Variants in SYT4 observed in about 807,000 individuals in gnomAD.
SYT4 encodes the protein synaptotagmin-4.
In SYT4, 7 loss-of-function variants were observed where a neutral mutation model predicts 32.9. That is an observed-to-expected ratio of 0.21 (90% confidence interval 0.12 to 0.40). The LOEUF (loss-of-function observed/expected upper bound fraction) is 0.40, where lower values mean the gene tolerates loss of function less well. Among genes scored for constraint, SYT4 ranks in the 10% least tolerant of loss-of-function variants. The pLI is 1.00. For synonymous variants in SYT4, 205 were observed against 186.2 expected (o/e 1.10, Z -0.82); for missense variants, 480 against 488.0 (o/e 0.98, Z 0.16).
chr18:43,276,288 G>C (rs879563759), intron 1 of SYT4, among the ~76,000 whole-genome samples: 2 of 152,066 alleles, frequency 1.3e-5, no homozygotes, highest in Admixed American at 1.3e-4. Context: ...ATTCTCTACT[G>C]ATAAGGTCTT....
At position 43,270,668 on chromosome 18, in the gene SYT4, G is replaced by C. The variant is rs764329184; in HGVS notation, c.971-20C>G. 11 of 1,609,270 alleles carry C rather than the reference G, an allele frequency of 6.8e-6. No individual in the cohort carries two copies. Among genetic ancestry groups the C allele is most frequent in the Admixed American group, 1.7e-5 (1 of 59,732 alleles). On this transcript the variant is annotated intron_variant, in intron 3 of 3. Coordinates refer to ENST00000255224, the MANE Select transcript of SYT4 (RefSeq NM_020783.4). ...AGGGATCTGCAGTGGAACATAACAG[G>C]CATTACAATGGCATAACTGGGCTGG...
intron 2 of SYT4, among the ~76,000 whole-genome samples, chr18:43,272,639 A>G (rs1267870932): frequency 2.6e-5 from 4 of 152,186 alleles, no homozygotes; most frequent in Non-Finnish European, 5.9e-5. Context: ...AAACTGCAAT[A>G]TATTTATACA....
In SYT4 at chr18:43,268,296, G is replaced by GTT. The variant is rs1451206636; in HGVS notation, c.*2043_*2044dup. The stretch of plus-strand genomic sequence containing the variant: ...CTTTTCTGAAAACCAGTTGCAAATA[G>GTT]TTTTACTCAACTTTTCACACTCAAA... On this transcript the variant is annotated 3_prime_UTR_variant, in exon 4 of 4. Coordinates refer to ENST00000255224, the MANE Select transcript of SYT4 (RefSeq NM_020783.4). The GTT allele has an allele frequency of 6.6e-6, 1 of 152,338 alleles. No individual in the cohort carries two copies. The highest frequency in any genetic ancestry group is 1.5e-5 in the Non-Finnish European group (1 of 68,008). The allele number at this position is 152,338 out of a possible 1,614,324, so 9.4% of individuals were successfully genotyped here. A position where few individuals can be genotyped will look rare whatever the true frequency, so the allele number is the denominator to read the frequency against.
intron 2 of SYT4, 199 bp from the exon 3 acceptor site, chr18:43,272,031 G>A: frequency 4.8e-6 from 2 of 414,014 alleles, no homozygotes; most frequent in Non-Finnish European, 8.1e-6. Flanking sequence ...GCCATCTTGT[G>A]GTCTTGTTTG....
intron 1 of SYT4, 91 bp from the exon 2 acceptor site, chr18:43,274,485 A>G: frequency 2.0e-6 from 2 of 993,328 alleles, no homozygotes; most frequent in Non-Finnish European, 2.9e-6. Context: ...AGCAATTGCT[A>G]TAGGTTGGAT....
chr18:43,274,527 T>C (rs1324125242), intron 1 of SYT4, 133 bp from the exon 2 acceptor site: 13 of 652,474 alleles, frequency 2.0e-5, no homozygotes, highest in Admixed American at 3.3e-5. Context: ...GTTCTGGGTA[T>C]GAGTTAAGTG....
chr18:43,273,209 A>T (rs1015105680), intron 2 of SYT4, among the ~76,000 whole-genome samples: 5 of 152,140 alleles, frequency 3.3e-5, no homozygotes, highest in African/African-American at 1.2e-4. Flanking sequence ...AAATTCAATT[A>T]TGTTGACCTT....
intron 1 of SYT4, 22 bp from the exon 2 acceptor site, chr18:43,274,416 A>G: frequency 6.5e-7 from 1 of 1,545,040 alleles, no homozygotes; most frequent in Non-Finnish European, 8.7e-7. Context: ...AATGACCAAT[A>G]ATATACATTA....
chr18:43,273,720 C>T lies in SYT4; in HGVS notation c.709G>A (p.Ala237Thr), dbSNP rs1417528275. The T allele has an allele frequency of 1.9e-6, 3 of 1,613,972 alleles. No individual in the cohort carries two copies. The highest frequency in any genetic ancestry group is 2.5e-6 in the Non-Finnish European group (3 of 1,179,904). Residue 237 changes from alanine to threonine, a missense_variant, in exon 2 of 4, where the codon GCC becomes ACC. Physicochemically the swap from Ala to Thr is moderately conservative, Grantham distance 58. Transcript: ENST00000255224. ...GIPYTQIQEL[A>T]LHFTILSFDR... Reference sequence around the variant, plus strand: ...AAACTCAAAATTGTGAAGTGCAAGGCCAATTCTTGGATTTGGGTGTAGGGT... The same window carrying T: ...AAACTCAAAATTGTGAAGTGCAAGGTCAATTCTTGGATTTGGGTGTAGGGT...
Position 43,270,642 on chromosome 18 carries a change from T to C in SYT4, c.977A>G (p.Tyr326Cys). The C allele has an allele frequency of 1.2e-6, 2 of 1,613,510 alleles. No homozygotes were observed. The highest frequency in any genetic ancestry group is 1.7e-5 in the Admixed American group (1 of 59,972). ...KSDVSGLSDPYVKVNLYHAKK... is the reference protein window; with the variant it reads ...KSDVSGLSDPCVKVNLYHAKK... ...GGCATGGTACAGGTTCACTTTGACA[T>C]AGGGATCTGCAGTGGAACATAACAG... The change falls in exon 4 of 4, where the codon TAT becomes TGT. Residue 326 changes from tyrosine (Y) to cysteine (C), a missense_variant. By Grantham distance (194) the Tyr-to-Cys change is radical. Coordinates refer to ENST00000255224, the MANE Select transcript of SYT4 (RefSeq NM_020783.4).
intron 3 of SYT4, 138 bp downstream of exon 3, chr18:43,271,574 T>A: frequency 8.4e-7 from 1 of 1,197,320 alleles, no homozygotes; most frequent in East Asian, 2.7e-5. Context: ...AAGCTAGTCA[T>A]AAAACTAAAA....
rs1023361648 is a variant in SYT4, at chr18:43,269,880, T to G, written c.*461A>C. On this transcript the variant is annotated 3_prime_UTR_variant, in exon 4 of 4. Coordinates refer to ENST00000255224, the MANE Select transcript of SYT4 (RefSeq NM_020783.4). Reference sequence around the variant, plus strand: ...CATGACAGAATTAATAAATACAAACTGGAGGACATTTTTTTAGTATCTTTG... The same window carrying G: ...CATGACAGAATTAATAAATACAAACGGGAGGACATTTTTTTAGTATCTTTG... 3 of 164,554 alleles carry G rather than the reference T, an allele frequency of 1.8e-5. No individual in the cohort carries two copies. Among genetic ancestry groups the G allele is most frequent in the African/African-American group, 7.2e-5 (3 of 41,530 alleles). 10.2% of individuals were successfully genotyped at this position (164,554 alleles called of 1,614,324 possible). A position where few individuals can be genotyped will look rare whatever the true frequency, so the allele number is the denominator to read the frequency against.
At chr18:43,275,913 T>C (rs544002008) in intron 1 of SYT4, among the ~76,000 whole-genome samples, 127 of 152,238 alleles carry the variant, frequency 8.3e-4, no homozygotes, top group African/African-American at 2.9e-3. Flanking sequence ...GCACCCACAT[T>C]CCTGGACCAT....
Position 43,268,590 on chromosome 18 carries a change from C to T in SYT4, c.*1751G>A, listed in dbSNP as rs929061572. The T allele has an allele frequency of 3.9e-5, 6 of 152,460 alleles. No individual in the cohort carries two copies. The highest frequency in any genetic ancestry group is 7.3e-5 in the Non-Finnish European group (5 of 68,042). 9.4% of individuals were successfully genotyped at this position (152,460 alleles called of 1,614,324 possible). On this transcript the variant is annotated 3_prime_UTR_variant, in exon 4 of 4. Transcript: ENST00000255224. ...CATACATAAAATGGCCATTTGACTT[C>T]CCCAAACTACACACCTACTACAGTT...
rs781724007 is a variant in SYT4, at chr18:43,270,528, C to A, written c.1091G>T (p.Cys364Phe). 1 of 1,614,048 alleles carries A rather than the reference C, an allele frequency of 6.2e-7. No homozygotes were observed. Among genetic ancestry groups the A allele is most frequent in the East Asian group, 2.2e-5 (1 of 44,838 alleles). The stretch of plus-strand genomic sequence containing the variant: ...AACACTTATATCTTCAAGGCCCTCA[C>A]AAGGAATATCAAAGACAAACAGCTC... Reference protein sequence around the residue: ...FNELFVFDIPCEGLEDISVEF... With the variant: ...FNELFVFDIPFEGLEDISVEF... Residue 364 changes from cysteine (C) to phenylalanine (F), a missense_variant, in exon 4 of 4, where the codon TGT becomes TTT. Coordinates refer to ENST00000255224, the MANE Select transcript of SYT4 (RefSeq NM_020783.4).
At chr18:43,275,417 C>T (rs920392415) in intron 1 of SYT4, among the ~76,000 whole-genome samples, 1 of 151,990 alleles carries the variant, frequency 6.6e-6, no homozygotes, top group Non-Finnish European at 1.5e-5. Context: ...CATAGTGAAT[C>T]CATAGAGTCA....
At position 43,274,956 on chromosome 18, in the gene SYT4, G is replaced by T. The variant is rs1198977398; in HGVS notation, c.35-562C>A. Among the ~76,000 whole-genome samples, 3 of 152,162 alleles carry T rather than the reference G, an allele frequency of 2.0e-5. No homozygotes were observed. In the East Asian group the frequency reaches 5.8e-4, roughly 29 times the overall value. On this transcript the variant is annotated intron_variant, in intron 1 of 3. Coordinates refer to ENST00000255224, the MANE Select transcript of SYT4 (RefSeq NM_020783.4). Reference sequence around the variant, plus strand: ...TCCCAATTATGGAACAGTGGTAAAAGAAATATACATATATTAGAGAAAGTA... The same window carrying T: ...TCCCAATTATGGAACAGTGGTAAAATAAATATACATATATTAGAGAAAGTA...
In SYT4 at chr18:43,270,423, C is replaced by T. The variant is rs747551292; in HGVS notation, c.1196G>A (p.Gly399Glu). 6.2e-7 allele frequency: 1 copy of T among 1,614,104 alleles called. No homozygotes were observed. Among genetic ancestry groups the T allele is most frequent in the South Asian group, 1.1e-5 (1 of 91,076 alleles). ...GQLVLGAAAE[G>E]TGGEHWKEIC... is the part of the protein sequence containing the mutation. Reference sequence around the variant, plus strand: ...CTCTTTCCAGTGCTCTCCACCAGTTCCTTCTGCTGCTGCACCCAAGACTAA... The same window carrying T: ...CTCTTTCCAGTGCTCTCCACCAGTTTCTTCTGCTGCTGCACCCAAGACTAA... Residue 399 changes from glycine (G) to glutamate (E), a missense_variant, in exon 4 of 4, where the codon GGA becomes GAA. Physicochemically the swap from Gly to Glu is moderately conservative, Grantham distance 98. Coordinates refer to ENST00000255224, the MANE Select transcript of SYT4 (RefSeq NM_020783.4).
chr18:43,270,414 C>T lies in SYT4; in HGVS notation c.1205G>A (p.Gly402Glu), dbSNP rs752951186. ...VLGAAAEGTGGEHWKEICDYP... is the reference protein window; with the variant it reads ...VLGAAAEGTGEEHWKEICDYP... ...GTCACAGATCTCTTTCCAGTGCTCTCCACCAGTTCCTTCTGCTGCTGCACC... is the reference window on the plus strand; with the variant it reads ...GTCACAGATCTCTTTCCAGTGCTCTTCACCAGTTCCTTCTGCTGCTGCACC... Residue 402 changes from glycine to glutamate, a missense_variant, in exon 4 of 4, where the codon GGA (glycine) becomes GAA (glutamate). By Grantham distance (98) the Gly-to-Glu change is moderately conservative. Coordinates refer to ENST00000255224, the MANE Select transcript of SYT4 (RefSeq NM_020783.4). 3 of 1,613,998 alleles carry T rather than the reference C, an allele frequency of 1.9e-6. No homozygotes were observed. In the East Asian group the frequency reaches 6.7e-5, roughly 36 times the overall value.
Sources: allele counts gnomAD v4.1 joint callset (sites outside exome capture counted in the v4.1 genomes callset), GRCh38; gene constraint gnomAD v4.1.1; transcripts MANE v1.5; gene names NCBI Gene and HGNC (gene_info 2026-07-23, HGNC 2026-07-21).